The following SGCZ variants were observed in gnomAD, a reference collection of about 807,000 sequenced individuals.
SGCZ encodes zeta-sarcoglycan.
Under a neutral mutation model 41.3 loss-of-function variants are expected in SGCZ, and 40 were observed. That is an observed-to-expected ratio of 0.97 (90% CI 0.75 to 1.26). The LOEUF (loss-of-function observed/expected upper bound fraction) is 1.26. SGCZ is among the 50% of genes most tolerant of loss of function. The probability of loss-of-function intolerance (pLI) is 0.00; values close to 1 mark genes in which losing one functional copy is unlikely to be tolerated. For synonymous variants in SGCZ, 206 were observed against 137.5 expected (o/e 1.50, Z -3.49); for missense variants, 552 against 369.8 (o/e 1.49, Z -4.04).
intron 3 of SGCZ, among the ~76,000 whole-genome samples, chr8:14,282,450 T>C (rs1412996467): frequency 6.6e-6 from 1 of 152,164 alleles, no homozygotes; most frequent in Non-Finnish European, 1.5e-5. Flanking sequence ...GTGCCTCCTA[T>C]TCACAAACAC....
chr8:14,518,586 G>T (rs17119601), intron 2 of SGCZ, among the ~76,000 whole-genome samples: 96,640 of 151,856 alleles, frequency 0.64, 31,494 homozygotes, highest in South Asian at 0.76. Flanking sequence ...TTCCTTACTG[G>T]GTTTGAATGG....
At chr8:14,245,247 A>C (rs1166077033) in intron 3 of SGCZ, among the ~76,000 whole-genome samples, 1 of 152,116 alleles carries the variant, frequency 6.6e-6, no homozygotes, top group African/African-American at 2.4e-5. Context: ...CAGAACAGAG[A>C]TATAGATCAA....
At chr8:14,124,927 G>C (rs1020756528) in intron 5 of SGCZ, among the ~76,000 whole-genome samples, 11 of 152,004 alleles carry the variant, frequency 7.2e-5, no homozygotes, top group African/African-American at 2.7e-4. Flanking sequence ...TCCTTAAACT[G>C]ATAAGCAACT....
intron 1 of SGCZ, among the ~76,000 whole-genome samples, chr8:14,733,745 T>C (rs1245127266): frequency 3.3e-5 from 5 of 152,192 alleles, no homozygotes. Flanking sequence ...ATAACAGTCA[T>C]ACATTTTAAA....
At chr8:14,833,427 G>A (rs1250663748) in intron 1 of SGCZ, among the ~76,000 whole-genome samples, 2 of 152,154 alleles carry the variant, frequency 1.3e-5, no homozygotes, top group East Asian at 1.9e-4. Context: ...GTGTCTTTTT[G>A]TGAGGTATTT....
intron 2 of SGCZ, among the ~76,000 whole-genome samples, chr8:14,341,458 T>C (rs190712361): frequency 1.3e-3 from 201 of 152,280 alleles, no homozygotes; most frequent in Non-Finnish European, 1.8e-3. Context: ...GTTTTTTTAA[T>C]AATAGCCATC....
intron 2 of SGCZ, among the ~76,000 whole-genome samples, chr8:14,447,263 G>C (rs896055901): frequency 1.3e-5 from 2 of 152,180 alleles, no homozygotes; most frequent in Non-Finnish European, 1.5e-5. Context: ...GTCAAACCAA[G>C]ATCTTTTCTT....
At chr8:14,656,900 T>C (rs1487150409) in intron 1 of SGCZ, among the ~76,000 whole-genome samples, 2 of 151,960 alleles carry the variant, frequency 1.3e-5, no homozygotes, top group Non-Finnish European at 2.9e-5. Flanking sequence ...AAATACTATA[T>C]AAATACTTTA....
chr8:14,551,641 T>C (rs866388871), intron 2 of SGCZ, among the ~76,000 whole-genome samples: 4 of 51,356 alleles, frequency 7.8e-5, no homozygotes, highest in African/African-American at 3.1e-4. Flanking sequence ...ATTATATATA[T>C]ATAAAATATA....
chr8:14,672,144 C>T (rs765400609), intron 1 of SGCZ, among the ~76,000 whole-genome samples: 18 of 152,102 alleles, frequency 1.2e-4, no homozygotes, highest in Non-Finnish European at 2.6e-4. Flanking sequence ...TTCTCTTTGC[C>T]TTCTAAATGC....
chr8:14,523,503 T>C (rs1040196209), intron 2 of SGCZ, among the ~76,000 whole-genome samples: 1 of 152,082 alleles, frequency 6.6e-6, no homozygotes, highest in Non-Finnish European at 1.5e-5. Flanking sequence ...TTTCTCCTGG[T>C]CGTGACGGTT....
intron 1 of SGCZ, among the ~76,000 whole-genome samples, chr8:14,576,865 C>T (rs1804726994): frequency 6.6e-6 from 1 of 152,156 alleles, no homozygotes. Context: ...TTGCAGTCCT[C>T]TCCTTGTAAG....
intron 1 of SGCZ, among the ~76,000 whole-genome samples, chr8:14,891,188 G>C (rs1805001589): frequency 6.6e-6 from 1 of 152,200 alleles, no homozygotes; most frequent in Non-Finnish European, 1.5e-5. Flanking sequence ...CATTTTGTAA[G>C]GCTATAGTTG....
chr8:14,290,160 C>A (rs991171506), intron 3 of SGCZ, among the ~76,000 whole-genome samples: 3 of 151,986 alleles, frequency 2.0e-5, no homozygotes, highest in African/African-American at 7.3e-5. Flanking sequence ...CAAAATTAAA[C>A]CTTATCTTTT....
At chr8:14,641,110 GA>G (rs1807011699) in intron 1 of SGCZ, among the ~76,000 whole-genome samples, 1 of 151,472 alleles carries the variant, frequency 6.6e-6, no homozygotes, top group African/African-American at 2.4e-5. Context: ...AAAAAGATTA[GA>G]GGGGGTAGGG....
At chr8:14,782,818 G>A (rs779041966) in intron 1 of SGCZ, among the ~76,000 whole-genome samples, 1 of 152,094 alleles carries the variant, frequency 6.6e-6, no homozygotes, top group Non-Finnish European at 1.5e-5. Flanking sequence ...ACAGACACAG[G>A]CATATTGCAG....
chr8:14,670,619 A>C (rs750167850), intron 1 of SGCZ, among the ~76,000 whole-genome samples: 13 of 152,196 alleles, frequency 8.5e-5, no homozygotes, highest in Non-Finnish European at 1.5e-4. Flanking sequence ...AAAATAATAC[A>C]CTTAGTACAT....
rs893846398 is a variant in SGCZ, at chr8:14,259,743, G to C, written c.337-22064C>G. On this transcript the variant is annotated intron_variant, in intron 3 of 7. Coordinates refer to ENST00000382080, the MANE Select transcript of SGCZ (RefSeq NM_139167.4). ...GTAGTATAGTTTGAAATCAGGTAGT[G>C]TGATGCCTCCAGCTTTGTTCTTTTG... Among the ~76,000 whole-genome samples the C allele has an allele frequency of 5.5e-4, 80 of 146,166 alleles. 1 individual carries two copies. Among genetic ancestry groups the C allele is most frequent in the Admixed American group, 1.8e-3 (26 of 14,462 alleles).
intron 1 of SGCZ, among the ~76,000 whole-genome samples, chr8:14,790,451 C>A (rs1011149335): frequency 2.6e-5 from 4 of 152,074 alleles, no homozygotes; most frequent in Admixed American, 2.6e-4. Context: ...CAATATGTAT[C>A]AAACGCATAA....
Sources: allele counts gnomAD v4.1 joint callset (sites outside exome capture counted in the v4.1 genomes callset), GRCh38; gene constraint gnomAD v4.1.1; transcripts MANE v1.5; gene names NCBI Gene and HGNC (gene_info 2026-07-23, HGNC 2026-07-21).